The following TSHZ2 variants were observed in gnomAD, a reference collection of about 807,000 sequenced individuals.
The protein encoded by TSHZ2 is teashirt homolog 2.
In TSHZ2, 21 loss-of-function variants were observed where a neutral mutation model predicts 74.4. The observed-to-expected ratio is 0.28, with a 90% CI of 0.20 to 0.41. TSHZ2 has a LOEUF of 0.41. Among genes scored for constraint, TSHZ2 ranks in the 10% least tolerant of loss-of-function variants. TSHZ2 has a pLI of 1.00. For synonymous variants in TSHZ2, 540 were observed against 515.3 expected (o/e 1.05, Z -0.65); for missense variants, 1,244 against 1,293.5 (o/e 0.96, Z 0.59).
intron 2 of TSHZ2, among the ~76,000 whole-genome samples, chr20:53,292,114 C>T (rs1444430939): frequency 6.6e-6 from 1 of 151,988 alleles, no homozygotes; most frequent in Non-Finnish European, 1.5e-5. Flanking sequence ...GGGAAGGTCT[C>T]ACATATAATA....
intron 2 of TSHZ2, among the ~76,000 whole-genome samples, chr20:53,486,704 C>T (rs1259121455): frequency 6.6e-6 from 1 of 152,152 alleles, no homozygotes; most frequent in Non-Finnish European, 1.5e-5. Flanking sequence ...AAAATTGCAA[C>T]TTTCTTTTTA....
intron 1 of TSHZ2, among the ~76,000 whole-genome samples, chr20:53,006,968 A>T (rs1982668075): frequency 6.6e-6 from 1 of 152,218 alleles, no homozygotes; most frequent in Non-Finnish European, 1.5e-5. Flanking sequence ...AGCACCTACA[A>T]TGTGCAAGTT....
At chr20:53,134,778 C>T (rs771799641) in intron 1 of TSHZ2, among the ~76,000 whole-genome samples, 2 of 152,098 alleles carry the variant, frequency 1.3e-5, no homozygotes, top group Non-Finnish European at 2.9e-5. Context: ...TGGTCATCTT[C>T]TCCCTCTTTA....
chr20:53,044,244 C>T (rs1478251169), intron 1 of TSHZ2, among the ~76,000 whole-genome samples: 1 of 152,218 alleles, frequency 6.6e-6, no homozygotes. Context: ...CATATCAGCT[C>T]TCAACGTTTC....
rs920764810 is a variant in TSHZ2, at chr20:53,492,566, C to T, written c.*5431C>T. Reference sequence around the variant, plus strand: ...ATTTCCTGATGATGTCCTTCTAATCCCTTCTGACTTTGATTCCTAACAGCC... The same window carrying T: ...ATTTCCTGATGATGTCCTTCTAATCTCTTCTGACTTTGATTCCTAACAGCC... On this transcript the variant is annotated 3_prime_UTR_variant, in exon 3 of 3. Transcript: ENST00000371497. 2.0e-5 allele frequency: 3 copies of T among 152,068 alleles called. No individual in the cohort carries two copies. Among genetic ancestry groups the T allele is most frequent in the Non-Finnish European group, 4.4e-5 (3 of 68,028 alleles). The allele number at this position is 152,068 out of a possible 1,614,324, so 9.4% of individuals were successfully genotyped here. A position where few individuals can be genotyped will look rare whatever the true frequency, so the allele number is the denominator to read the frequency against.
At chr20:53,109,886 TCTCAG>T (rs542379160) in intron 1 of TSHZ2, among the ~76,000 whole-genome samples, 14 of 152,150 alleles carry the variant, frequency 9.2e-5, no homozygotes, top group Admixed American at 6.5e-5. Context: ...TGTCCTGGGT[TCTCAG>T]CTCAGCTCAG....
chr20:53,053,025 C>A (rs1984526235), intron 1 of TSHZ2, among the ~76,000 whole-genome samples: 1 of 152,102 alleles, frequency 6.6e-6, no homozygotes, highest in Non-Finnish European at 1.5e-5. Flanking sequence ...TATCCTTTAG[C>A]ATTCACACCT....
At chr20:53,231,207 G>C (rs6022347) in intron 1 of TSHZ2, among the ~76,000 whole-genome samples, 44,839 of 152,108 alleles carry the variant, frequency 0.29, 6,738 homozygotes, top group African/African-American at 0.35. Flanking sequence ...GGAATAAACA[G>C]TTGAGAGGAT....
At chr20:52,992,482 TGGATCCCATA>T (rs770353217) in intron 1 of TSHZ2, among the ~76,000 whole-genome samples, 47 of 152,322 alleles carry the variant, frequency 3.1e-4, no homozygotes, top group Non-Finnish European at 6.2e-4. Context: ...TCTTCCTCTG[TGGATCCCATA>T]GGAGCCCCTT....
chr20:53,389,120 G>A (rs1312004806), intron 2 of TSHZ2, among the ~76,000 whole-genome samples: 1 of 152,216 alleles, frequency 6.6e-6, no homozygotes, highest in East Asian at 1.9e-4. Flanking sequence ...AGTTATGGGA[G>A]ATTTTCCAAA....
chr20:53,291,089 C>T (rs946695838), intron 2 of TSHZ2, among the ~76,000 whole-genome samples: 6 of 152,086 alleles, frequency 3.9e-5, no homozygotes, highest in African/African-American at 1.4e-4. Flanking sequence ...AGCCATATTC[C>T]CATGTCTCCT....
chr20:53,235,085 G>A lies in TSHZ2; in HGVS notation c.41-18414G>A, dbSNP rs1160553389. Among the ~76,000 whole-genome samples the A allele has an allele frequency of 2.0e-5, 3 of 147,506 alleles. No homozygotes were observed. In the East Asian group the frequency reaches 6.1e-4, roughly 30 times the overall value. On this transcript the variant is annotated intron_variant, in intron 1 of 2. Transcript: ENST00000371497. ...TTAATGTCTCATTGCAGAAAGTTGA[G>A]GTGGAAGATGCTTGGGTCTTGGGTC...
At chr20:53,099,769 T>TG (rs1296742179) in intron 1 of TSHZ2, among the ~76,000 whole-genome samples, 3 of 152,160 alleles carry the variant, frequency 2.0e-5, no homozygotes, top group Non-Finnish European at 2.9e-5. Context: ...GACAAGAGTA[T>TG]GGGGGAAACT....
intron 2 of TSHZ2, among the ~76,000 whole-genome samples, chr20:53,287,140 T>C (rs4811422): frequency 0.13 from 19,293 of 152,236 alleles, 1,300 homozygotes; most frequent in Middle Eastern, 0.24. Flanking sequence ...TTTCTTTATA[T>C]TGTGAATAAG....
At chr20:52,987,734 A>C (rs775864166) in intron 1 of TSHZ2, among the ~76,000 whole-genome samples, 1 of 152,234 alleles carries the variant, frequency 6.6e-6, no homozygotes, top group Non-Finnish European at 1.5e-5. Context: ...AACAGAGCCC[A>C]GAAAAGTCTT....
At chr20:53,436,414 G>A (rs1984068027) in intron 2 of TSHZ2, among the ~76,000 whole-genome samples, 1 of 152,060 alleles carries the variant, frequency 6.6e-6, no homozygotes, top group Non-Finnish European at 1.5e-5. Flanking sequence ...GCTGCCCAGG[G>A]AAGGACACAC....
At chr20:53,247,695 T>A (rs1434999762) in intron 1 of TSHZ2, among the ~76,000 whole-genome samples, 2 of 152,218 alleles carry the variant, frequency 1.3e-5, no homozygotes, top group African/African-American at 4.8e-5. Context: ...TTGAACCCTG[T>A]GGCATCTTCC....
intron 2 of TSHZ2, among the ~76,000 whole-genome samples, chr20:53,358,308 A>G (rs1980921348): frequency 6.6e-6 from 1 of 150,480 alleles, no homozygotes; most frequent in African/African-American, 2.4e-5. Flanking sequence ...AGGCAGAAAA[A>G]AAAAAAAAGT....
Position 53,492,188 on chromosome 20 carries a change from T to A in TSHZ2, c.*5053T>A, listed in dbSNP as rs994981618. 1 of 152,168 alleles carries A rather than the reference T, an allele frequency of 6.6e-6. No homozygotes were observed. The highest frequency in any genetic ancestry group is 6.5e-5 in the Admixed American group (1 of 15,278). 9.4% of individuals were successfully genotyped at this position (152,168 alleles called of 1,614,324 possible). On this transcript the variant is annotated 3_prime_UTR_variant, in exon 3 of 3. Coordinates refer to ENST00000371497, the MANE Select transcript of TSHZ2 (RefSeq NM_173485.6). ...TAGATATCAGTCCCCTGCCAATAGC[T>A]AATATTAACAGAATTTGAACAATCA...
Sources: allele counts gnomAD v4.1 joint callset (sites outside exome capture counted in the v4.1 genomes callset), GRCh38; gene constraint gnomAD v4.1.1; transcripts MANE v1.5; gene names NCBI Gene and HGNC (gene_info 2026-07-23, HGNC 2026-07-21).